ZNF521: variants seen among roughly 807,000 people sequenced by gnomAD.
The protein encoded by ZNF521 is LYST-interacting protein 3.
ZNF521 carries 14 observed loss-of-function variants against 105.5 expected under a neutral mutation model. The ratio of observed to expected loss-of-function variants is 0.13; its 90% CI spans 0.09 to 0.21. The LOEUF (loss-of-function observed/expected upper bound fraction) is 0.21, where lower values mean the gene tolerates loss of function less well. Ranked by LOEUF, ZNF521 falls within the 10% of genes least tolerant of loss-of-function variation. The pLI is 1.00. For synonymous variants in ZNF521, 635 were observed against 606.0 expected, an observed-to-expected ratio of 1.05 and a Z score of -0.70; for missense variants, 1,233 against 1,629.7, an observed-to-expected ratio of 0.76 and a Z score of 4.19.
chr18:25,292,177 T>G (rs552120075), intron 3 of ZNF521, among the ~76,000 whole-genome samples: 1 of 152,334 alleles, frequency 6.6e-6, no homozygotes, highest in East Asian at 1.9e-4. Context: ...CTACCAACAC[T>G]TACACATGTC....
At chr18:25,268,158 T>C (rs1250617087) in intron 3 of ZNF521, among the ~76,000 whole-genome samples, 3 of 152,090 alleles carry the variant, frequency 2.0e-5, no homozygotes, top group Non-Finnish European at 4.4e-5. Flanking sequence ...ATAGCCAACT[T>C]GATTAAGCAG....
chr18:25,168,389 G>C lies in ZNF521; in HGVS notation c.3658+26771C>G, dbSNP rs535298540. ...TAGATCTCTTCAACCCTTTTCTCCC[G>C]GTTCTGTATCCAACTGAACAGTTGG... On this transcript the variant is annotated intron_variant, in intron 5 of 7. Transcript: ENST00000361524. Among the ~76,000 whole-genome samples the C allele has an allele frequency of 5.9e-5, 9 of 152,088 alleles. No individual in the cohort carries two copies. The East Asian group carries it at 1.2e-3, about 20-fold the overall frequency.
intron 3 of ZNF521, among the ~76,000 whole-genome samples, chr18:25,317,550 T>C (rs1912707741): frequency 6.6e-6 from 1 of 152,200 alleles, no homozygotes; most frequent in Non-Finnish European, 1.5e-5. Flanking sequence ...TAGATGAATA[T>C]ACACTGTCAT....
intron 3 of ZNF521, among the ~76,000 whole-genome samples, chr18:25,241,376 C>T (rs375237215): frequency 1.3e-5 from 2 of 152,320 alleles, no homozygotes; most frequent in East Asian, 1.9e-4. Flanking sequence ...CAAACCACAA[C>T]GCATTGCCAG....
chr18:25,269,622 C>G (rs1909507929), intron 3 of ZNF521, among the ~76,000 whole-genome samples: 1 of 152,162 alleles, frequency 6.6e-6, no homozygotes, highest in South Asian at 2.1e-4. Context: ...AATTAGAACT[C>G]AGAATTAAGA....
rs774461694 is a variant in ZNF521 at position 25,226,405 on chromosome 18, G to A, written c.1513C>T (p.Pro505Ser). 4 of 1,614,102 alleles carry A rather than the reference G, an allele frequency of 2.5e-6. No homozygotes were observed. The highest frequency in any genetic ancestry group is 3.4e-6 in the Non-Finnish European group (4 of 1,180,008). ...AATGCATTACTATCTTTAGCTGCAG[G>A]GTTTGCAAATCCATGAGAACATCGG... Reference protein sequence around the residue: ...HIRCSHGFANPAAKDSNAFFC... With the variant: ...HIRCSHGFANSAAKDSNAFFC... The change falls in exon 4 of 8, where the codon CCT becomes TCT. Residue 505 changes from proline to serine, a missense_variant. Pro to Ser is a moderately conservative substitution (Grantham distance 74, BLOSUM62 -1). This residue lies in a region of ZNF521 where 380 missense variants were observed against 478.0 expected (regional missense o/e 0.80). Transcript: ENST00000361524. The surrounding 1 kb of genome is among the most constrained non-coding windows in gnomAD (Gnocchi z 4.1).
chr18:25,128,227 A>C (rs2034572816), intron 5 of ZNF521, among the ~76,000 whole-genome samples: 2 of 151,988 alleles, frequency 1.3e-5, no homozygotes, highest in African/African-American at 4.8e-5. Context: ...AAAAAATCGT[A>C]TCAACAGATA....
intron 3 of ZNF521, among the ~76,000 whole-genome samples, chr18:25,250,833 C>T (rs1312067210): frequency 6.6e-6 from 1 of 152,176 alleles, no homozygotes; most frequent in Non-Finnish European, 1.5e-5. Context: ...AATCATGTCT[C>T]TCCATTTGGT....
intron 4 of ZNF521, among the ~76,000 whole-genome samples, chr18:25,212,538 A>ATATATAT (rs1380631267): frequency 2.1e-5 from 1 of 48,144 alleles, no homozygotes; most frequent in Non-Finnish European, 3.2e-5. Flanking sequence ...AAAAAAAAAA[A>ATATATAT]ATATATATAT....
intron 3 of ZNF521, among the ~76,000 whole-genome samples, chr18:25,297,343 T>C (rs1911381550): frequency 6.6e-6 from 1 of 152,158 alleles, no homozygotes. Context: ...AAGTATGTGC[T>C]AATCAGAAGG....
intron 5 of ZNF521, among the ~76,000 whole-genome samples, chr18:25,096,103 T>G (rs917859004): frequency 2.6e-5 from 4 of 152,192 alleles, no homozygotes; most frequent in Admixed American, 2.6e-4. Flanking sequence ...ATTATTTCCA[T>G]TTGTTAATCT....
At chr18:25,102,391 A>G (rs1478285867) in intron 5 of ZNF521, among the ~76,000 whole-genome samples, 2 of 152,134 alleles carry the variant, frequency 1.3e-5, no homozygotes, top group Non-Finnish European at 2.9e-5. Context: ...AGGAAAAAAG[A>G]AAGGGAAAGA....
chr18:25,187,951 C>T (rs899270730), intron 5 of ZNF521, among the ~76,000 whole-genome samples: 1 of 152,142 alleles, frequency 6.6e-6, no homozygotes, highest in Admixed American at 6.5e-5. Flanking sequence ...AGGCATTTTT[C>T]CTCATTATGC....
intron 5 of ZNF521, among the ~76,000 whole-genome samples, chr18:25,099,302 T>C (rs976996685): frequency 3.9e-5 from 6 of 152,178 alleles, no homozygotes; most frequent in African/African-American, 1.4e-4. Context: ...GGTTTCAAAA[T>C]TTTGCTCCGT....
chr18:25,241,992 C>T (rs1907369626), intron 3 of ZNF521, among the ~76,000 whole-genome samples: 1 of 152,170 alleles, frequency 6.6e-6, no homozygotes, highest in Non-Finnish European at 1.5e-5. Flanking sequence ...GTTTAATGTA[C>T]ACTGCAGTTA....
intron 5 of ZNF521, among the ~76,000 whole-genome samples, chr18:25,111,043 G>A (rs1406980937): frequency 2.0e-5 from 3 of 152,018 alleles, no homozygotes; most frequent in Admixed American, 6.6e-5. Context: ...AATTACAGGC[G>A]TGAGCCACCA....
intron 5 of ZNF521, among the ~76,000 whole-genome samples, chr18:25,098,077 T>C (rs2033889914): frequency 1.3e-5 from 2 of 152,284 alleles, no homozygotes; most frequent in South Asian, 4.1e-4. Context: ...TTTTAGATGC[T>C]CTGAGATGCA....
chr18:25,136,265 TA>T (rs2034731642), intron 5 of ZNF521, among the ~76,000 whole-genome samples: 1 of 152,218 alleles, frequency 6.6e-6, no homozygotes, highest in African/African-American at 2.4e-5. Flanking sequence ...AATACTTCTA[TA>T]TAGTCCCTAT....
At chr18:25,167,083 TTC>T (rs575565867) in intron 5 of ZNF521, among the ~76,000 whole-genome samples, 99 of 152,338 alleles carry the variant, frequency 6.5e-4, no homozygotes, top group African/African-American at 2.3e-3. Flanking sequence ...GGTTTAATTG[TTC>T]TCTTCCTAGC....
Sources: allele counts gnomAD v4.1 joint callset (sites outside exome capture counted in the v4.1 genomes callset), GRCh38; gene constraint gnomAD v4.1.1; regional missense constraint gnomAD v4.1.1; non-coding constraint Gnocchi (gnomAD v3.1); transcripts MANE v1.5; gene names NCBI Gene and HGNC (gene_info 2026-07-23, HGNC 2026-07-21).